Variants in ABLIM1 observed in about 807,000 individuals in gnomAD.
ABLIM1 encodes actin binding LIM protein 1.
ABLIM1 carries 40 observed loss-of-function variants against 107.0 expected under a neutral mutation model. The observed-to-expected ratio is 0.37, with a 90% CI of 0.29 to 0.49. The LOEUF (loss-of-function observed/expected upper bound fraction) is 0.49. Ranked by LOEUF, ABLIM1 falls within the 20% of genes least tolerant of loss-of-function variation. The pLI, the probability that ABLIM1 is intolerant of heterozygous loss-of-function variation, is 0.97. For missense variants in ABLIM1, 857 were observed against 1,008.5 expected, an observed-to-expected ratio of 0.85 and a Z score of 2.04; for synonymous variants, 357 against 357.3, an observed-to-expected ratio of 1.00 and a Z score of 0.01.
At chr10:114,786,835 C>T in the ABLIM1 span, among the ~76,000 whole-genome samples, 9 of 152,278 alleles carry the variant, frequency 5.9e-5, no homozygotes, top group South Asian at 1.0e-3. Flanking sequence ...GGCGTGATCT[C>T]GGCTCGCTAC....
intron 2 of ABLIM1, among the ~76,000 whole-genome samples, chr10:114,601,139 C>T (rs902751993): frequency 2.0e-5 from 3 of 151,568 alleles, no homozygotes; most frequent in African/African-American, 7.3e-5. Flanking sequence ...ATCTTCCAAG[C>T]TTTCCAGGCC....
chr10:114,717,991 A>G (rs201021032), intron 1 of ABLIM1, among the ~76,000 whole-genome samples: 89 of 86,836 alleles, frequency 1.0e-3, no homozygotes, highest in East Asian at 4.6e-3. Context: ...AGAAAGAAAG[A>G]AAGGAAGGAA....
chr10:114,557,671 G>A (rs1231503735), intron 4 of ABLIM1, among the ~76,000 whole-genome samples: 2 of 72,484 alleles, frequency 2.8e-5, no homozygotes, highest in African/African-American at 1.4e-4. Flanking sequence ...ATAGTGAGGT[G>A]TTTTTTTTTT....
intron 4 of ABLIM1, among the ~76,000 whole-genome samples, chr10:114,563,784 C>T (rs1291060138): frequency 2.1e-5 from 3 of 144,206 alleles, no homozygotes; most frequent in African/African-American, 5.2e-5. Flanking sequence ...AGGCGGAAGT[C>T]GCAGTGAGCC....
chr10:114,744,730 G>A (rs1591928136), intron 1 of ABLIM1, among the ~76,000 whole-genome samples: 1 of 152,120 alleles, frequency 6.6e-6, no homozygotes, highest in Admixed American at 6.5e-5. Flanking sequence ...GGAGCAGGCA[G>A]GGCATGAAGC....
At chr10:114,539,056 T>C (rs1331996303) in intron 6 of ABLIM1, among the ~76,000 whole-genome samples, 3 of 152,230 alleles carry the variant, frequency 2.0e-5, no homozygotes, top group Admixed American at 2.0e-4. Context: ...TCAACCTCTA[T>C]CTAATCCAAA....
intron 1 of ABLIM1, among the ~76,000 whole-genome samples, chr10:114,638,360 C>A (rs2078579433): frequency 6.6e-6 from 1 of 152,194 alleles, no homozygotes; most frequent in African/African-American, 2.4e-5. Flanking sequence ...ATCAGGCAGT[C>A]ATTTTACAAA....
chr10:114,733,546 T>G (rs763242826), intron 1 of ABLIM1, among the ~76,000 whole-genome samples: 1 of 152,236 alleles, frequency 6.6e-6, no homozygotes, highest in Non-Finnish European at 1.5e-5. Flanking sequence ...TTTATTTATG[T>G]TCTGAACTGG....
the ABLIM1 span, among the ~76,000 whole-genome samples, chr10:114,793,483 C>G: frequency 6.6e-6 from 1 of 152,184 alleles, no homozygotes; most frequent in South Asian, 2.1e-4. Flanking sequence ...CCAATTAAAC[C>G]TCTTTTCTTT....
chr10:114,584,135 A>AAAAAGAAGAG (rs1555188626), intron 2 of ABLIM1, among the ~76,000 whole-genome samples: 1 of 149,198 alleles, frequency 6.7e-6, no homozygotes, highest in Non-Finnish European at 1.5e-5. Flanking sequence ...AAAATTAAGA[A>AAAAAGAAGAG]AAAAGAAAAG....
intron 1 of ABLIM1, among the ~76,000 whole-genome samples, chr10:114,735,079 A>G (rs1285668522): frequency 6.6e-6 from 1 of 151,378 alleles, no homozygotes; most frequent in Non-Finnish European, 1.5e-5. Flanking sequence ...ATGCAATTCT[A>G]GGCACTTCAA....
chr10:114,622,559 T>C (rs73362848), intron 1 of ABLIM1, among the ~76,000 whole-genome samples: 5,217 of 152,248 alleles, frequency 0.034, 314 homozygotes, highest in African/African-American at 0.12. Flanking sequence ...CTTTTCTTAA[T>C]TCTTCTTAAA....
intron 16 of ABLIM1, among the ~76,000 whole-genome samples, chr10:114,444,370 T>C (rs1218577189): frequency 6.6e-6 from 1 of 152,116 alleles, no homozygotes; most frequent in Non-Finnish European, 1.5e-5. Context: ...GGCTCTGTGT[T>C]AGAAGAACGT....
At chr10:114,717,058 A>C (rs1054358301) in intron 1 of ABLIM1, among the ~76,000 whole-genome samples, 1 of 151,986 alleles carries the variant, frequency 6.6e-6, no homozygotes, top group Non-Finnish European at 1.5e-5. Flanking sequence ...TCATTCATTC[A>C]TTCATTCAAC....
At chr10:114,552,086 C>T (rs1313165850) in intron 4 of ABLIM1, among the ~76,000 whole-genome samples, 4 of 152,136 alleles carry the variant, frequency 2.6e-5, no homozygotes, top group Middle Eastern at 3.2e-3. Flanking sequence ...TACCAGCCCA[C>T]GTGAGAATCC....
At chr10:114,798,146 C>T in the ABLIM1 span, among the ~76,000 whole-genome samples, 9 of 152,266 alleles carry the variant, frequency 5.9e-5, no homozygotes, top group East Asian at 1.9e-4. Flanking sequence ...ATTGGCCGGG[C>T]GCGGTGGCTC....
intron 17 of ABLIM1, among the ~76,000 whole-genome samples, chr10:114,442,639 A>G (rs1172220274): frequency 6.6e-6 from 1 of 151,880 alleles, no homozygotes; most frequent in African/African-American, 2.4e-5. Context: ...GGGTTATAAT[A>G]TGTGGACTTC....
chr10:114,692,657 C>T (rs1022963157), intron 1 of ABLIM1, among the ~76,000 whole-genome samples: 6 of 152,112 alleles, frequency 3.9e-5, no homozygotes, highest in Non-Finnish European at 8.8e-5. Flanking sequence ...TTTGGGAGGC[C>T]AAGGCGGGCA....
At chr10:114,485,619 T>C (rs1250307901) in intron 8 of ABLIM1, among the ~76,000 whole-genome samples, 1 of 152,116 alleles carries the variant, frequency 6.6e-6, no homozygotes, top group Non-Finnish European at 1.5e-5. Context: ...CTTCAATTCC[T>C]CTCCATTTAT....
Sources: allele counts gnomAD v4.1 joint callset (sites outside exome capture counted in the v4.1 genomes callset), GRCh38; gene constraint gnomAD v4.1.1; transcripts MANE v1.5; gene names NCBI Gene and HGNC (gene_info 2026-07-23, HGNC 2026-07-21).